DROSHA: variants seen among roughly 807,000 people sequenced by gnomAD.
DROSHA encodes drosha ribonuclease III, also known as ribonuclease 3.
A neutral mutation model predicts 181.9 loss-of-function variants in DROSHA; 56 were observed. The observed-to-expected ratio is 0.31, with a 90% CI of 0.25 to 0.38. DROSHA has a LOEUF of 0.38. Among genes scored for constraint, DROSHA ranks in the 10% least tolerant of loss-of-function variants. The pLI is 1.00. For missense variants in DROSHA, 1,218 were observed against 1,743.5 expected (o/e 0.70, Z 5.37); for synonymous variants, 524 against 591.2 (o/e 0.89, Z 1.65).
At chr5:31,511,953 T>C (rs1271925473) in intron 8 of DROSHA, among the ~76,000 whole-genome samples, 1 of 150,862 alleles carries the variant, frequency 6.6e-6, no homozygotes, top group Non-Finnish European at 1.5e-5. Flanking sequence ...ACACACACTC[T>C]CATGCCTTAA....
chr5:31,474,555 G>A (rs1305928168), intron 16 of DROSHA, among the ~76,000 whole-genome samples: 1 of 151,922 alleles, frequency 6.6e-6, no homozygotes, highest in Non-Finnish European at 1.5e-5. Context: ...GTAGAGACAG[G>A]GTCTAATTAT....
At chr5:31,529,734 C>CAAAAAAAAAAAAAA (rs70955715) in intron 3 of DROSHA, among the ~76,000 whole-genome samples, 10 of 91,274 alleles carry the variant, frequency 1.1e-4, no homozygotes, top group African/African-American at 2.8e-4. Context: ...AAAAAACAAA[C>CAAAAAAAAAAAAAA]AAAAAAAAAA....
chr5:31,407,853 T>C (rs893247591), intron 33 of DROSHA, among the ~76,000 whole-genome samples: 2 of 152,322 alleles, frequency 1.3e-5, no homozygotes, highest in Admixed American at 6.5e-5. Flanking sequence ...ATTTTATTTA[T>C]TGAACCTTAA....
chr5:31,408,825 A>G, intron 33 of DROSHA: 1 of 406,046 alleles, frequency 2.5e-6, no homozygotes, highest in South Asian at 5.4e-5. Flanking sequence ...AGAGATTTTT[A>G]GAAATGGGAG....
At position 31,400,643 on chromosome 5, in the gene DROSHA, C is replaced by T. The variant is rs912329467; in HGVS notation, c.*789G>A. Reference sequence around the variant, plus strand: ...GAGAGGCTGATAAAAGCTATAAACCCTCCTCCTTCCTGCTCCCCATGCCCT... The same window carrying T: ...GAGAGGCTGATAAAAGCTATAAACCTTCCTCCTTCCTGCTCCCCATGCCCT... On this transcript the variant is annotated 3_prime_UTR_variant, in exon 36 of 36. Transcript: ENST00000344624. The T allele has an allele frequency of 2.0e-5, 3 of 152,184 alleles. No individual in the cohort carries two copies. The highest frequency in any genetic ancestry group is 2.0e-4 in the Admixed American group (3 of 15,268). The allele number at this position is 152,184 out of a possible 1,614,324, so 9.4% of individuals were successfully genotyped here.
intron 29 of DROSHA, 77 bp downstream of exon 29, chr5:31,422,710 G>T: frequency 6.5e-7 from 1 of 1,546,596 alleles, no homozygotes; most frequent in African/African-American, 1.4e-5. Context: ...CAATTCCTTC[G>T]AAGGGCATGC....
chr5:31,529,684 G>A (rs556466140), intron 3 of DROSHA, among the ~76,000 whole-genome samples: 3 of 148,360 alleles, frequency 2.0e-5, no homozygotes, highest in South Asian at 4.3e-4. Context: ...GCAGTGAGCC[G>A]AGATGGCGCC....
intron 24 of DROSHA, among the ~76,000 whole-genome samples, chr5:31,436,670 G>GCGTGAGCCACCTGGGATTCCAT (rs1744831202): frequency 1.3e-5 from 2 of 151,376 alleles, no homozygotes; most frequent in African/African-American, 4.9e-5. Context: ...TGGGATTCCA[G>GCGTGAGCCACCTGGGATTCCAT]GCGTGAGCCA....
intron 11 of DROSHA, among the ~76,000 whole-genome samples, chr5:31,500,767 C>T (rs1303901049): frequency 6.6e-6 from 1 of 152,074 alleles, no homozygotes. Flanking sequence ...ACAAGAGATG[C>T]CAGGTGATAG....
At chr5:31,492,414 T>C (rs1752529618) in intron 13 of DROSHA, among the ~76,000 whole-genome samples, 1 of 152,240 alleles carries the variant, frequency 6.6e-6, no homozygotes, top group African/African-American at 2.4e-5. Context: ...AGTACTAAAA[T>C]AATTTTTCAA....
intron 20 of DROSHA, among the ~76,000 whole-genome samples, chr5:31,452,354 T>G (rs1009328968): frequency 1.3e-5 from 2 of 152,212 alleles, no homozygotes; most frequent in Non-Finnish European, 2.9e-5. Context: ...GATCTAACAT[T>G]CTGAAGACAA....
chr5:31,482,642 C>T (rs1388308038), intron 16 of DROSHA, among the ~76,000 whole-genome samples: 2 of 152,024 alleles, frequency 1.3e-5, no homozygotes, highest in East Asian at 3.9e-4. Flanking sequence ...GTTCACCAGG[C>T]TGGTAACAGA....
At position 31,453,383 on chromosome 5, in the gene DROSHA, G is replaced by A. The variant is rs1021151837; in HGVS notation, c.2575-1743C>T. Among the ~76,000 whole-genome samples, 9 of 152,080 alleles carry A rather than the reference G, an allele frequency of 5.9e-5. No homozygotes were observed. In the East Asian group the frequency reaches 1.7e-3, roughly 29 times the overall value. ...ACTCTGCTAATATCTGTGTTTTTTT[G>A]TAAAAATGAGGTTTCGCCATGTTGC... On this transcript the variant is annotated intron_variant, in intron 20 of 35. Transcript: ENST00000344624.
intron 35 of DROSHA, among the ~76,000 whole-genome samples, chr5:31,402,940 A>G (rs1055453501): frequency 7.2e-5 from 11 of 152,124 alleles, no homozygotes; most frequent in African/African-American, 2.7e-4. Context: ...GTGCCACCAC[A>G]ACCGGCTAAT....
intron 16 of DROSHA, among the ~76,000 whole-genome samples, chr5:31,476,182 T>C (rs555175253): frequency 7.9e-5 from 12 of 152,256 alleles, no homozygotes; most frequent in African/African-American, 2.6e-4. Flanking sequence ...CTGGCCAACG[T>C]GGCAAAACCC....
intron 1 of DROSHA, among the ~76,000 whole-genome samples, 167 bp downstream of exon 1, chr5:31,531,823 G>A (rs1035044783): frequency 6.6e-6 from 1 of 152,012 alleles, no homozygotes; most frequent in African/African-American, 2.4e-5. Flanking sequence ...ACTTATTTGC[G>A]GGATCCAGGC....
At chr5:31,415,613 C>T (rs1039358322) in intron 30 of DROSHA, among the ~76,000 whole-genome samples, 1 of 152,186 alleles carries the variant, frequency 6.6e-6, no homozygotes, top group African/African-American at 2.4e-5. Context: ...TGCTCTCTTT[C>T]CCATTATCCC....
At chr5:31,485,684 T>G (rs1751657637) in intron 14 of DROSHA, among the ~76,000 whole-genome samples, 1 of 150,366 alleles carries the variant, frequency 6.7e-6, no homozygotes, top group Admixed American at 6.6e-5. Context: ...GGGGTGGTTC[T>G]TTTTCTTTAA....
At chr5:31,440,191 G>T (rs1416172320) in intron 23 of DROSHA, among the ~76,000 whole-genome samples, 1 of 152,120 alleles carries the variant, frequency 6.6e-6, no homozygotes, top group Non-Finnish European at 1.5e-5. Context: ...TCAACTGGGA[G>T]GCCGACCCTA....
Sources: allele counts gnomAD v4.1 joint callset (sites outside exome capture counted in the v4.1 genomes callset), GRCh38; gene constraint gnomAD v4.1.1; transcripts MANE v1.5; gene names NCBI Gene and HGNC (gene_info 2026-07-23, HGNC 2026-07-21).